The following IGDCC3 variants were observed in gnomAD, a reference collection of about 807,000 sequenced individuals.
The protein encoded by IGDCC3 is putative neuronal cell adhesion molecule.
A neutral mutation model predicts 72.0 loss-of-function variants in IGDCC3; 47 were observed. That is an observed-to-expected ratio of 0.65 (90% confidence interval 0.52 to 0.83). The LOEUF (loss-of-function observed/expected upper bound fraction) is 0.83. Ranked by LOEUF, IGDCC3 falls within the 40% of genes least tolerant of loss-of-function variation. The pLI, the probability that IGDCC3 is intolerant of heterozygous loss-of-function variation, is 0.00. For missense variants in IGDCC3, 1,038 were observed against 1,091.3 expected (o/e 0.95, Z 0.69); for synonymous variants, 477 against 472.8 (o/e 1.01, Z -0.11).
chr15:65,339,081 C>CTTTTT lies in IGDCC3; in HGVS notation c.410-3130_410-3126dup, dbSNP rs1406071330. Among the ~76,000 whole-genome samples the CTTTTT allele has an allele frequency of 1.3e-5, 2 of 151,744 alleles. No homozygotes were observed. Among genetic ancestry groups the CTTTTT allele is most frequent in the Non-Finnish European group, 2.9e-5 (2 of 67,914 alleles). ...CCACGCCCAGCTAATTTTTTAATTT[C>CTTTTT]TTTTTTCTTTTTCTTTTTGAGACGG... is the stretch of plus-strand genomic sequence containing the variant. On this transcript the variant is annotated intron_variant, in intron 2 of 13. Transcript: ENST00000327987. This position sits in a 1 kb window ranked among gnomAD's most constrained non-coding sequence, Gnocchi z 4.1.
At position 65,375,449 on chromosome 15, in the gene IGDCC3, A is replaced by G. The variant is rs761374145; in HGVS notation, c.104-47T>C. 3 of 1,471,570 alleles carry G rather than the reference A, an allele frequency of 2.0e-6. No individual in the cohort carries two copies. The Admixed American group carries it at 6.0e-5, about 30-fold the overall frequency. 91.2% of individuals were successfully genotyped at this position (1,471,570 alleles called of 1,614,324 possible). ...GGAAGGAAATAGGGGTGTTAGTATG[A>G]AATGAACATCCAGGAAGAACTCCAC... On this transcript the variant is annotated intron_variant, in intron 1 of 13. Coordinates refer to ENST00000327987, the MANE Select transcript of IGDCC3 (RefSeq NM_004884.4).
intron 2 of IGDCC3, among the ~76,000 whole-genome samples, chr15:65,344,584 G>T (rs940914833): frequency 7.2e-5 from 11 of 152,226 alleles, no homozygotes. Flanking sequence ...GCATCTAGCT[G>T]TTGGTCCCCT....
rs1019373489 is a variant in IGDCC3 at position 65,377,427 on chromosome 15, T to C, written c.103+259A>G. On this transcript the variant is annotated intron_variant, in intron 1 of 13. Coordinates refer to ENST00000327987, the MANE Select transcript of IGDCC3 (RefSeq NM_004884.4). This position sits in a 1 kb window ranked among gnomAD's most constrained non-coding sequence, Gnocchi z 4.9. ...CCCGCTTGCTCCCGCTTCGCTGCACTCCTTGCTCCTCAGTCTGGGCTCCGG... is the reference window on the plus strand; with the variant it reads ...CCCGCTTGCTCCCGCTTCGCTGCACCCCTTGCTCCTCAGTCTGGGCTCCGG... Among the ~76,000 whole-genome samples, 3 of 151,980 alleles carry C rather than the reference T, an allele frequency of 2.0e-5. No individual in the cohort carries two copies. Among genetic ancestry groups the C allele is most frequent in the African/African-American group, 4.8e-5 (2 of 41,370 alleles).
At chr15:65,346,755 G>A (rs1051344749) in intron 2 of IGDCC3, among the ~76,000 whole-genome samples, 2 of 152,032 alleles carry the variant, frequency 1.3e-5, no homozygotes, top group African/African-American at 2.4e-5. Context: ...CATCATGCCC[G>A]GCCGAGACTC....
chr15:65,355,657 C>CA, intron 2 of IGDCC3: 2 of 129,104 alleles, frequency 1.5e-5, no homozygotes, highest in South Asian at 8.1e-5. Context: ...ACGCGGGCGT[C>CA]CCGCCCCCCC....
Position 65,329,142 on chromosome 15 carries a change from G to C in IGDCC3, c.2212C>G (p.Pro738Ala), listed in dbSNP as rs139839494. 8 of 1,605,278 alleles carry C rather than the reference G, an allele frequency of 5.0e-6. No homozygotes were observed. The African/African-American group carries it at 1.1e-4, about 21-fold the overall frequency. The change falls in exon 14 of 14, where the codon CCT (proline) becomes GCT (alanine). Residue 738 changes from proline to alanine, a missense_variant. Pro to Ala is a conservative substitution (Grantham distance 27). Transcript: ENST00000327987. This position sits in a 1 kb window ranked among gnomAD's most constrained non-coding sequence, Gnocchi z 4.1. ...GQPDPRPTQD[P>A]AAPAPCEETQ... ...TCCTCACACGGAGCGGGGGCTGCAG[G>C]ATCCTGCTGGGGAAAGAGCCCGTCA...
In IGDCC3 at chr15:65,329,745, G is replaced by A; in HGVS notation, c.1978C>T (p.Leu660=). 1 of 1,614,124 alleles carries A rather than the reference G, an allele frequency of 6.2e-7. No individual in the cohort carries two copies. The highest frequency in any genetic ancestry group is 8.5e-7 in the Non-Finnish European group (1 of 1,180,030). Residue 660 remains leucine, a synonymous_variant, in exon 12 of 14, where the codon CTG becomes TTG. Coordinates refer to ENST00000327987, the MANE Select transcript of IGDCC3 (RefSeq NM_004884.4). The surrounding 1 kb of genome is among the most constrained non-coding windows in gnomAD (Gnocchi z 4.1). ...ACCCACCTGCCCCTTTGGCCGAACAGGAGGAAGAGGACACAGAAGATGATG... is the reference window on the plus strand; with the variant it reads ...ACCCACCTGCCCCTTTGGCCGAACAAGAGGAAGAGGACACAGAAGATGATG... ...TCIIFCVLFL[L]FGQRGRVLLC... is the part of the protein sequence containing the mutation.
chr15:65,359,252 C>T (rs571966), intron 2 of IGDCC3, among the ~76,000 whole-genome samples: 64,425 of 151,772 alleles, frequency 0.42, 13,842 homozygotes, highest in East Asian at 0.48. Context: ...TCCTTTTTTT[C>T]CCCCATTTCC....
chr15:65,343,164 G>GC (rs1053017177), intron 2 of IGDCC3, among the ~76,000 whole-genome samples: 2 of 152,192 alleles, frequency 1.3e-5, no homozygotes, highest in Non-Finnish European at 2.9e-5. Context: ...CTTAGCGCAG[G>GC]CCTTGGCAGA....
At chr15:65,359,631 C>G (rs1017983162) in intron 2 of IGDCC3, among the ~76,000 whole-genome samples, 1 of 152,180 alleles carries the variant, frequency 6.6e-6, no homozygotes, top group African/African-American at 2.4e-5. Context: ...GGCCAATGGT[C>G]AGACCTTGGA....
In IGDCC3 at chr15:65,377,989, C is replaced by A. The variant is rs559878446; in HGVS notation, c.-201G>T. On this transcript the variant is annotated 5_prime_UTR_variant, in exon 1 of 14. Coordinates refer to ENST00000327987, the MANE Select transcript of IGDCC3 (RefSeq NM_004884.4). The surrounding 1 kb of genome is among the most constrained non-coding windows in gnomAD (Gnocchi z 4.9). Reference sequence around the variant, plus strand: ...GCCGCTTGCGCCATCTTGCACCCACCCGGGCGATCTGTCAGCCTCGCCCGG... The same window carrying A: ...GCCGCTTGCGCCATCTTGCACCCACACGGGCGATCTGTCAGCCTCGCCCGG... 5.1e-3 allele frequency: 1,502 copies of A among 293,298 alleles called. 25 individuals carry two copies. The highest frequency in any genetic ancestry group is 0.032 in the African/African-American group (1,424 of 44,150). 18.2% of individuals were successfully genotyped at this position (293,298 alleles called of 1,614,324 possible).
rs2090963857 is a variant in IGDCC3, at chr15:65,330,238, A to G, written c.1858+55T>C. The G allele has an allele frequency of 2.3e-6, 3 of 1,303,452 alleles. No individual in the cohort carries two copies. In the Admixed American group the frequency reaches 5.3e-5, roughly 23 times the overall value. The allele number at this position is 1,303,452 out of a possible 1,614,324, so 80.7% of individuals were successfully genotyped here. On this transcript the variant is annotated intron_variant, in intron 11 of 13. Transcript: ENST00000327987. Reference sequence around the variant, plus strand: ...AGCGTGGCACATGCTATCTCACCCCATTACTTTCCCGGCTTCCCACCCACT... The same window carrying G: ...AGCGTGGCACATGCTATCTCACCCCGTTACTTTCCCGGCTTCCCACCCACT...
chr15:65,334,212 G>A (rs1205055256), intron 5 of IGDCC3, among the ~76,000 whole-genome samples: 1 of 152,068 alleles, frequency 6.6e-6, no homozygotes, highest in African/African-American at 2.4e-5. Flanking sequence ...AGACAATGTG[G>A]GCCCATCTGC....
Position 65,330,550 on chromosome 15 carries a change from C to T in IGDCC3, c.1753G>A (p.Asp585Asn), listed in dbSNP as rs376065547. 5.0e-5 allele frequency: 81 copies of T among 1,612,586 alleles called. No homozygotes were observed. The highest frequency in any genetic ancestry group is 6.3e-5 in the Non-Finnish European group (74 of 1,179,586). The change falls in exon 10 of 14, where the codon GAC (aspartate) becomes AAC (asparagine). Residue 585 changes from aspartate (D) to asparagine (N), a missense_variant and splice_region_variant. Coordinates refer to ENST00000327987, the MANE Select transcript of IGDCC3 (RefSeq NM_004884.4). Reference protein sequence around the residue: ...TVSSYNLSQLDPTAVYEVKLL... With the variant: ...TVSSYNLSQLNPTAVYEVKLL... Reference sequence around the variant, plus strand: ...AGGCTCTGGGCTGTGTCTGCCTCACCGAGCTGGCTGAGGTTGTAGGAGGAG... The same window carrying T: ...AGGCTCTGGGCTGTGTCTGCCTCACTGAGCTGGCTGAGGTTGTAGGAGGAG...
At chr15:65,370,548 ATG>A (rs1486804106) in intron 2 of IGDCC3, among the ~76,000 whole-genome samples, 16 of 139,494 alleles carry the variant, frequency 1.1e-4, no homozygotes, top group African/African-American at 4.0e-4. Flanking sequence ...TTATATATAT[ATG>A]TGTGTGTGTA....
Position 65,330,683 on chromosome 15 carries a change from C to G in IGDCC3, c.1620G>C (p.Leu540=). ...GGGCCAGCCGGGGCCAAGGCTCCCA[C>G]AGCAGCTGCAAGGAGGAGCTGCCCA... is the stretch of plus-strand genomic sequence containing the variant. The part of the protein sequence containing the change: ...RVLGSSSLQL[L]WEPWPRLAQH... Residue 540 remains leucine (L), a synonymous_variant, in exon 10 of 14, where the codon CTG becomes CTC. Coordinates refer to ENST00000327987, the MANE Select transcript of IGDCC3 (RefSeq NM_004884.4). 6.2e-7 allele frequency: 1 copy of G among 1,613,440 alleles called. No homozygotes were observed. Among genetic ancestry groups the G allele is most frequent in the Non-Finnish European group, 8.5e-7 (1 of 1,179,718 alleles).
chr15:65,353,513 G>A (rs1412964618), intron 2 of IGDCC3, among the ~76,000 whole-genome samples: 2 of 152,166 alleles, frequency 1.3e-5, no homozygotes, highest in Admixed American at 6.6e-5. Context: ...GCCTCCCAAA[G>A]TGCTGGGATT....
At chr15:65,344,142 G>T (rs551191293) in intron 2 of IGDCC3, among the ~76,000 whole-genome samples, 1 of 152,212 alleles carries the variant, frequency 6.6e-6, no homozygotes, top group African/African-American at 2.4e-5. Flanking sequence ...TTTGAGAAGC[G>T]GGGAGGCTGT....
rs562713620 is a variant in IGDCC3, at chr15:65,347,326, C to G, written c.410-11370G>C. Among the ~76,000 whole-genome samples the G allele has an allele frequency of 9.2e-5, 14 of 152,372 alleles. No homozygotes were observed. The South Asian group carries it at 2.9e-3, about 32-fold the overall frequency. On this transcript the variant is annotated intron_variant, in intron 2 of 13. Coordinates refer to ENST00000327987, the MANE Select transcript of IGDCC3 (RefSeq NM_004884.4). ...GGCAGGCTGAGATCAGCTCCTGGCT[C>G]TGTCACAGATTCCCTCTGGGACCTT...
Sources: gnomAD v4.1 joint callset for allele counts (sites outside exome capture counted in the v4.1 genomes callset) on GRCh38, gnomAD v4.1.1 for gene constraint, Gnocchi (gnomAD v3.1) non-coding constraint, MANE v1.5 for transcripts, NCBI Gene and HGNC (gene_info 2026-07-23, HGNC 2026-07-21) for gene names.